Variants in CPS1 observed in about 807,000 individuals in gnomAD.
CPS1 encodes the protein carbamoyl-phosphate synthase [ammonia], mitochondrial.
CPS1 carries 109 observed loss-of-function variants against 174.6 expected under a neutral mutation model. The observed-to-expected ratio is 0.62, with a 90% confidence interval of 0.53 to 0.73. The LOEUF is 0.73. Among genes scored for constraint, CPS1 ranks in the 30% least tolerant of loss-of-function variants. CPS1 has a pLI of 0.00. For synonymous variants in CPS1, 637 were observed against 632.0 expected (o/e 1.01, Z -0.12); for missense variants, 1,689 against 1,821.9 (o/e 0.93, Z 1.33).
rs187800061 is a variant in CPS1, at chr2:210,573,512, C to T, written c.236+105C>T. Reference sequence around the variant, plus strand: ...AAATCACTGCATCGTAGTAAGACTACGTATTGTCCTGAAGTTGCACCATGC... The same window carrying T: ...AAATCACTGCATCGTAGTAAGACTATGTATTGTCCTGAAGTTGCACCATGC... On this transcript the variant is annotated intron_variant, in intron 2 of 37. Transcript: ENST00000233072. 111 of 901,952 alleles carry T rather than the reference C, an allele frequency of 1.2e-4. No individual in the cohort carries two copies. The East Asian group carries it at 1.5e-3, about 12-fold the overall frequency. The allele number at this position is 901,952 out of a possible 1,614,324, so 55.9% of individuals were successfully genotyped here.
intron 25 of CPS1, among the ~76,000 whole-genome samples, chr2:210,645,657 C>T (rs898618294): frequency 4.6e-5 from 7 of 152,138 alleles, no homozygotes; most frequent in Admixed American, 2.6e-4. Context: ...GTGGTGCATG[C>T]CTGTAATCCC....
chr2:210,590,712 GA>G, intron 8 of CPS1, 87 bp from the exon 9 acceptor site: 4 of 989,006 alleles, frequency 4.0e-6, no homozygotes, highest in Non-Finnish European at 4.8e-6. Context: ...ACCTTCTTAA[GA>G]AAAAAGGATA....
At chr2:210,495,557 T>A (rs981187506) in intron 1 of CPS1, among the ~76,000 whole-genome samples, 1 of 152,206 alleles carries the variant, frequency 6.6e-6, no homozygotes, top group African/African-American at 2.4e-5. Context: ...TGGTAGGAAA[T>A]ACTGCCTCTC....
At chr2:210,523,968 G>A (rs903786863) in intron 1 of CPS1, among the ~76,000 whole-genome samples, 1 of 151,986 alleles carries the variant, frequency 6.6e-6, no homozygotes, top group African/African-American at 2.4e-5. Flanking sequence ...GGGAAATGCA[G>A]TCCGCATTCT....
intron 1 of CPS1, among the ~76,000 whole-genome samples, chr2:210,497,889 C>CATATATATATATATATATATATATAT (rs1401841718): frequency 2.5e-4 from 16 of 63,094 alleles, no homozygotes; most frequent in African/African-American, 3.5e-4. Flanking sequence ...ACAATATATA[C>CATATATATATATATATATATATATAT]ATACATATAT....
intron 1 of CPS1, among the ~76,000 whole-genome samples, chr2:210,568,371 C>T (rs1405151005): frequency 6.6e-6 from 1 of 151,930 alleles, no homozygotes; most frequent in Non-Finnish European, 1.5e-5. Flanking sequence ...AATGGTGTCA[C>T]CCAATTAATG....
chr2:210,593,134 T>C (rs1698367621), intron 11 of CPS1, among the ~76,000 whole-genome samples, 178 bp downstream of exon 11: 1 of 151,992 alleles, frequency 6.6e-6, no homozygotes, highest in South Asian at 2.1e-4. Flanking sequence ...AGGAAATTTT[T>C]ATCTTTTTTA....
At chr2:210,499,654 C>T (rs1455332389) in intron 1 of CPS1, among the ~76,000 whole-genome samples, 1 of 152,148 alleles carries the variant, frequency 6.6e-6, no homozygotes, top group African/African-American at 2.4e-5. Context: ...TGTGTCTTTT[C>T]CTCTCAGCAC....
chr2:210,502,735 G>A (rs997327560), intron 1 of CPS1, among the ~76,000 whole-genome samples: 1 of 151,994 alleles, frequency 6.6e-6, no homozygotes, highest in African/African-American at 2.4e-5. Context: ...TCATAGTCTC[G>A]TGACTTTCAC....
chr2:210,650,408 A>T lies in CPS1; in HGVS notation c.3450A>T (p.Lys1150Asn). 1 of 1,613,568 alleles carries T rather than the reference A, an allele frequency of 6.2e-7. No individual in the cohort carries two copies. The highest frequency in any genetic ancestry group is 8.5e-7 in the Non-Finnish European group (1 of 1,179,578). Residue 1150 changes from lysine to asparagine, a missense_variant, in exon 28 of 38, where the codon AAA becomes AAT. Transcript: ENST00000233072. ...NVVFSEDEMK[K>N]FLEEATRVSQ... The stretch of plus-strand genomic sequence containing the variant: ...TATTCTCTGAGGATGAGATGAAAAA[A>T]TTCCTAGAAGAGGCGACTAGAGTTT...
chr2:210,538,423 A>C (rs907900716), intron 1 of CPS1, among the ~76,000 whole-genome samples: 3 of 152,104 alleles, frequency 2.0e-5, no homozygotes, highest in Non-Finnish European at 4.4e-5. Flanking sequence ...AGGAGAACTG[A>C]ATTTTGTATT....
chr2:210,491,236 C>T (rs1694865506), intron 1 of CPS1, among the ~76,000 whole-genome samples: 1 of 149,462 alleles, frequency 6.7e-6, no homozygotes, highest in South Asian at 2.1e-4. Context: ...GTGTTGAGTT[C>T]CTGCAGGAAT....
At chr2:210,622,826 G>A (rs1699576125) in intron 21 of CPS1, among the ~76,000 whole-genome samples, 1 of 149,276 alleles carries the variant, frequency 6.7e-6, no homozygotes, top group South Asian at 2.1e-4. Context: ...ACAATTACCA[G>A]CTTTAAGCAT....
At chr2:210,670,626 CA>C (rs1180722743) in intron 34 of CPS1, among the ~76,000 whole-genome samples, 1 of 151,938 alleles carries the variant, frequency 6.6e-6, no homozygotes, top group Non-Finnish European at 1.5e-5. Context: ...AAAAATAGCA[CA>C]AAAAAGACTG....
At chr2:210,506,202 C>T (rs1453891967) in intron 1 of CPS1, among the ~76,000 whole-genome samples, 22 of 152,196 alleles carry the variant, frequency 1.4e-4, no homozygotes, top group Non-Finnish European at 2.4e-4. Context: ...GAGGAACGAT[C>T]GGGCAGCAAC....
chr2:210,588,737 C>A (rs913021648), intron 7 of CPS1, among the ~76,000 whole-genome samples: 2 of 152,058 alleles, frequency 1.3e-5, no homozygotes, highest in African/African-American at 4.8e-5. Flanking sequence ...CATACACATA[C>A]ACACACATAC....
chr2:210,608,651 C>A, intron 19 of CPS1, 92 bp downstream of exon 19: 1 of 1,210,096 alleles, frequency 8.3e-7, no homozygotes, highest in Non-Finnish European at 1.2e-6. Flanking sequence ...TGCCTGGATA[C>A]CATCAACACA....
rs369482946 is a variant in CPS1, at chr2:210,599,312, T to C, written c.1360-60T>C. The C allele has an allele frequency of 4.3e-5, 64 of 1,500,928 alleles. No homozygotes were observed. In the African/African-American group the frequency reaches 4.3e-4, roughly 10 times the overall value. 93.0% of individuals were successfully genotyped at this position (1,500,928 alleles called of 1,614,324 possible). A position where few individuals can be genotyped will look rare whatever the true frequency, so the allele number is the denominator to read the frequency against. On this transcript the variant is annotated intron_variant, in intron 13 of 37. Coordinates refer to ENST00000233072, the MANE Select transcript of CPS1 (RefSeq NM_001875.5). ...GTTACCCCATGTCTTTTTATTTAAG[T>C]GTGGTCATTCTCTTCTTTAGACCAT...
At chr2:210,635,542 C>G (rs1334518355) in intron 21 of CPS1, among the ~76,000 whole-genome samples, 2 of 152,154 alleles carry the variant, frequency 1.3e-5, no homozygotes, top group Non-Finnish European at 2.9e-5. Flanking sequence ...GCTTTGGTGA[C>G]TGTAGCTCTA....
Sources: allele counts gnomAD v4.1 joint callset (sites outside exome capture counted in the v4.1 genomes callset), GRCh38; gene constraint gnomAD v4.1.1; transcripts MANE v1.5; gene names NCBI Gene and HGNC (gene_info 2026-07-23, HGNC 2026-07-21).